Variants in STOX2 observed in about 807,000 individuals in gnomAD.
STOX2 encodes the protein storkhead-box protein 2.
STOX2 carries 28 observed loss-of-function variants against 60.9 expected under a neutral mutation model. The observed-to-expected ratio is 0.46, with a 90% CI of 0.34 to 0.63. The LOEUF is 0.63. Among genes scored for constraint, STOX2 ranks in the 30% least tolerant of loss-of-function variants. The pLI is 0.01. For missense variants in STOX2, 1,024 were observed against 1,187.7 expected, an observed-to-expected ratio of 0.86 and a Z score of 2.03; for synonymous variants, 472 against 463.9, an observed-to-expected ratio of 1.02 and a Z score of -0.22.
At chr4:183,827,600 G>A (rs1036929707) in intron 1 of STOX2, among the ~76,000 whole-genome samples, 4 of 152,092 alleles carry the variant, frequency 2.6e-5, no homozygotes, top group African/African-American at 9.7e-5. Context: ...TGTTTCATTG[G>A]TGCTGTCACC....
At chr4:183,802,700 G>A (rs1333737166) in intron 1 of STOX2, among the ~76,000 whole-genome samples, 2 of 151,710 alleles carry the variant, frequency 1.3e-5, no homozygotes. Flanking sequence ...CCGCCTCCCG[G>A]GTTCACGCCA....
intron 1 of STOX2, among the ~76,000 whole-genome samples, chr4:183,875,348 A>G (rs7678253): frequency 0.67 from 102,354 of 151,934 alleles, 34,568 homozygotes; most frequent in East Asian, 0.77. Flanking sequence ...GTTTTAGAAG[A>G]TGGGGCAGGG....
intron 1 of STOX2, among the ~76,000 whole-genome samples, chr4:183,887,328 C>A (rs1407702390): frequency 6.6e-6 from 1 of 151,860 alleles, no homozygotes; most frequent in Admixed American, 6.6e-5. Flanking sequence ...AGAGGACAAC[C>A]ATTTGTCAGA....
At chr4:183,985,317 G>A (rs1284315441) in intron 1 of STOX2, among the ~76,000 whole-genome samples, 3 of 152,166 alleles carry the variant, frequency 2.0e-5, no homozygotes, top group Non-Finnish European at 4.4e-5. Context: ...AACAGCAATG[G>A]TTGTTGAAGA....
intron 1 of STOX2, among the ~76,000 whole-genome samples, chr4:183,862,166 T>A (rs1740463135): frequency 8.8e-6 from 1 of 113,678 alleles, no homozygotes; most frequent in Admixed American, 9.5e-5. Flanking sequence ...GTGTTTGTTG[T>A]TGTTGTTTGT....
intron 1 of STOX2, among the ~76,000 whole-genome samples, chr4:183,964,328 C>G (rs114937573): frequency 0.013 from 1,998 of 152,294 alleles, 50 homozygotes; most frequent in African/African-American, 0.046. Flanking sequence ...GCATTTTACA[C>G]ATTGTGTGGT....
At chr4:183,827,136 C>T (rs571479377) in intron 1 of STOX2, among the ~76,000 whole-genome samples, 2 of 152,212 alleles carry the variant, frequency 1.3e-5, no homozygotes, top group South Asian at 2.1e-4. Flanking sequence ...CTGCAACCAC[C>T]GTATTTTTAT....
At chr4:183,869,982 G>A (rs563461202) in intron 1 of STOX2, among the ~76,000 whole-genome samples, 1 of 152,274 alleles carries the variant, frequency 6.6e-6, no homozygotes, top group South Asian at 2.1e-4. Flanking sequence ...AAGCAGCCAA[G>A]GTATCTTTCC....
At chr4:183,823,651 G>A (rs574907701) in intron 1 of STOX2, among the ~76,000 whole-genome samples, 8 of 152,300 alleles carry the variant, frequency 5.3e-5, no homozygotes, top group Non-Finnish European at 1.0e-4. Flanking sequence ...AGCAAAGCAC[G>A]TCCTCATAGC....
chr4:183,899,422 A>G (rs72996795), intron 1 of STOX2, among the ~76,000 whole-genome samples: 2,991 of 152,330 alleles, frequency 0.02, 100 homozygotes, highest in African/African-American at 0.069. Context: ...CAAGTTATGA[A>G]TGCCACGAAA....
intron 1 of STOX2, among the ~76,000 whole-genome samples, chr4:183,804,495 G>A (rs565333832): frequency 9.5e-4 from 144 of 152,376 alleles, no homozygotes; most frequent in Middle Eastern, 3.4e-3. Context: ...GTCAGAAGCA[G>A]GCCCAGGCCA....
chr4:183,913,884 C>G (rs763208363), intron 1 of STOX2, among the ~76,000 whole-genome samples: 2 of 152,154 alleles, frequency 1.3e-5, no homozygotes, highest in Non-Finnish European at 2.9e-5. Context: ...GTCCACATAC[C>G]ACCTAACCTA....
chr4:183,838,223 A>C (rs1342317769), intron 1 of STOX2, among the ~76,000 whole-genome samples: 1 of 150,518 alleles, frequency 6.6e-6, no homozygotes, highest in African/African-American at 2.4e-5. Flanking sequence ...TGAAATACTT[A>C]AATAATTCAA....
intron 2 of STOX2, among the ~76,000 whole-genome samples, chr4:184,005,026 ATTC>A (rs1733766715): frequency 6.6e-6 from 1 of 152,222 alleles, no homozygotes; most frequent in Non-Finnish European, 1.5e-5. Context: ...CTCTTACTGA[ATTC>A]TTCTTCAGCC....
Position 184,010,995 on chromosome 4 carries a change from G to C in STOX2, c.2157G>C (p.Ser719=), listed in dbSNP as rs765059539. 3.7e-6 allele frequency: 6 copies of C among 1,613,296 alleles called. No homozygotes were observed. The East Asian group carries it at 1.3e-4, about 36-fold the overall frequency. The change falls in exon 3 of 4, where the codon TCG becomes TCC. Residue 719 remains serine, a synonymous_variant. Coordinates refer to ENST00000308497, the MANE Select transcript of STOX2 (RefSeq NM_020225.3). The surrounding 1 kb of genome is among the most constrained non-coding windows in gnomAD (Gnocchi z 4.5). ...STLSVNSYHK[S]SLSLLKSHPK... ...TGTCTGTAAACAGCTATCACAAGTC[G>C]AGCCTGTCCCTCCTCAAATCTCACC...
chr4:183,836,643 G>T lies in STOX2; in HGVS notation c.364+38588G>T, dbSNP rs1223184047. ...GCAGTCTTCCATGTCCTGGGAAGGG[G>T]TGACCTGGTATTAGTGAGCATCAGC... On this transcript the variant is annotated intron_variant, in intron 1 of 2. Coordinates refer to the STOX2 transcript ENST00000513034. The surrounding 1 kb of genome is among the most constrained non-coding windows in gnomAD (Gnocchi z 4.1). 6.6e-6 allele frequency among the ~76,000 whole-genome samples: 1 copy of T among 152,328 alleles called. No individual in the cohort carries two copies. The highest frequency in any genetic ancestry group is 2.1e-4 in the South Asian group (1 of 4,824).
intron 1 of STOX2, among the ~76,000 whole-genome samples, chr4:183,941,686 C>T (rs986029859): frequency 1.3e-5 from 2 of 152,154 alleles, no homozygotes; most frequent in African/African-American, 2.4e-5. Flanking sequence ...GCTTAAAGTA[C>T]TTAACACGTG....
rs555289482 is a variant in STOX2, at chr4:183,847,989, A to G, written c.364+49934A>G. ...GAGAGGAGAGAGGTTGAAGGAGAAG[A>G]AATGAGTAGGAAATGGAGGGATATT... On this transcript the variant is annotated intron_variant, in intron 1 of 2. Coordinates refer to the STOX2 transcript ENST00000513034. Among the ~76,000 whole-genome samples the G allele has an allele frequency of 4.6e-5, 7 of 152,326 alleles. No individual in the cohort carries two copies. In the East Asian group the frequency reaches 1.2e-3, roughly 25 times the overall value.
chr4:183,921,435 G>C (rs1354178358), intron 1 of STOX2, among the ~76,000 whole-genome samples: 1 of 152,066 alleles, frequency 6.6e-6, no homozygotes, highest in Non-Finnish European at 1.5e-5. Context: ...TCTTCCTTTT[G>C]GGGGAAAACA....
Sources: allele counts gnomAD v4.1 joint callset (sites outside exome capture counted in the v4.1 genomes callset), GRCh38; gene constraint gnomAD v4.1.1; non-coding constraint Gnocchi (gnomAD v3.1); transcripts MANE v1.5; gene names NCBI Gene and HGNC (gene_info 2026-07-23, HGNC 2026-07-21).